Variants in AKT1S1 observed in about 807,000 individuals in gnomAD.
AKT1S1 encodes proline-rich AKT1 substrate 1.
In AKT1S1, 17 loss-of-function variants were observed where a neutral mutation model predicts 21.2. That is an observed-to-expected ratio of 0.80 (90% CI 0.55 to 1.20). The LOEUF (loss-of-function observed/expected upper bound fraction) is 1.20, where lower values mean the gene tolerates loss of function less well. Ranked by LOEUF, AKT1S1 falls within the 50% of genes most tolerant of loss-of-function variation. The pLI is 0.00. For missense variants in AKT1S1, 366 were observed against 368.3 expected, an observed-to-expected ratio of 0.99 and a Z score of 0.05; for synonymous variants, 181 against 165.6, an observed-to-expected ratio of 1.09 and a Z score of -0.72.
rs371145304 is a variant in AKT1S1, at chr19:49,873,306, C to T, written c.-7-4G>A. On this transcript the variant is annotated splice_region_variant and splice_polypyrimidine_tract_variant and intron_variant, in intron 1 of 4. Transcript: ENST00000344175. This position sits in a 1 kb window ranked among gnomAD's most constrained non-coding sequence, Gnocchi z 6.9. ...GCGCCCCGACGCCATCCGCGCCCTG[C>T]GGGCCAGAGCAGGACAGAGGGGGCT... 1.1e-4 allele frequency: 159 copies of T among 1,476,960 alleles called. No homozygotes were observed. Among genetic ancestry groups the T allele is most frequent in the Non-Finnish European group, 1.3e-4 (151 of 1,126,040 alleles). The allele number at this position is 1,476,960 out of a possible 1,614,324, so 91.5% of individuals were successfully genotyped here.
intron 1 of AKT1S1, chr19:49,876,566 T>TC: frequency 6.7e-7 from 1 of 1,493,066 alleles, no homozygotes; most frequent in Non-Finnish European, 8.9e-7. Flanking sequence ...GGCCAAATCC[T>TC]CCCCACACCG....
In AKT1S1 at chr19:49,873,300, G is replaced by A. The variant is rs1040609623; in HGVS notation, c.-5C>T. The A allele has an allele frequency of 1.1e-5, 17 of 1,485,066 alleles. No homozygotes were observed. Among genetic ancestry groups the A allele is most frequent in the Admixed American group, 4.8e-5 (2 of 41,748 alleles). The allele number at this position is 1,485,066 out of a possible 1,614,324, so 92.0% of individuals were successfully genotyped here. A position where few individuals can be genotyped will look rare whatever the true frequency, so the allele number is the denominator to read the frequency against. The stretch of plus-strand genomic sequence containing the variant: ...CTCGGGGCGCCCCGACGCCATCCGC[G>A]CCCTGCGGGCCAGAGCAGGACAGAG... On this transcript the variant is annotated splice_region_variant and 5_prime_UTR_variant, in exon 2 of 5. Coordinates refer to ENST00000344175, the MANE Select transcript of AKT1S1 (RefSeq NM_001098633.4). The surrounding 1 kb of genome is among the most constrained non-coding windows in gnomAD (Gnocchi z 6.9).
chr19:49,876,661 C>T, intron 1 of AKT1S1: 1 of 1,493,358 alleles, frequency 6.7e-7, no homozygotes, highest in Non-Finnish European at 9.0e-7. Flanking sequence ...GACATGGCGG[C>T]GCCTTGCGTC....
In AKT1S1 at chr19:49,873,137, G is replaced by A; in HGVS notation, c.159C>T (p.Ala53=). The A allele has an allele frequency of 6.5e-7, 1 of 1,540,128 alleles. No homozygotes were observed. The highest frequency in any genetic ancestry group is 1.2e-5 in the South Asian group (1 of 84,202). The change falls in exon 2 of 5, where the codon GCC becomes GCT. Residue 53 remains alanine, a synonymous_variant. Coordinates refer to ENST00000344175, the MANE Select transcript of AKT1S1 (RefSeq NM_001098633.4). The surrounding 1 kb of genome is among the most constrained non-coding windows in gnomAD (Gnocchi z 6.9). The part of the protein sequence containing the change: ...PCAYAAHGRG[A]LAEAARRCLH... The stretch of plus-strand genomic sequence containing the variant: ...GGCAACGGCGCGCTGCCTCCGCCAG[G>A]GCTCCTCGACCATGGGCAGCATAGG...
intron 1 of AKT1S1, chr19:49,876,079 C>T (rs2074939031): frequency 1.0e-6 from 1 of 986,116 alleles, no homozygotes; most frequent in Non-Finnish European, 1.2e-6. Context: ...GGGGTGGAAC[C>T]ACCCCTCCTG....
chr19:49,876,085 T>A (rs1027844862), intron 1 of AKT1S1: 17 of 986,180 alleles, frequency 1.7e-5, no homozygotes, highest in Non-Finnish European at 2.0e-5. Context: ...GAACCACCCC[T>A]CCTGTCGAAA....
At chr19:49,871,924 C>G in intron 2 of AKT1S1, 35 bp from the exon 3 acceptor site, 2 of 1,604,290 alleles carry the variant, frequency 1.2e-6, no homozygotes, top group Non-Finnish European at 1.7e-6. Context: ...CCAGGCCAGG[C>G]AGCACCTAGC....
chr19:49,877,863 C>G (rs2074969632), upstream of AKT1S1: 6 of 1,250,318 alleles, frequency 4.8e-6, no homozygotes, highest in Middle Eastern at 1.9e-4. Context: ...AAACACCGAT[C>G]TCTTATAAAC....
rs1466169044 is a variant in AKT1S1, at chr19:49,869,087, G to A, written c.*830C>T. 2.0e-5 allele frequency: 3 copies of A among 152,494 alleles called. No individual in the cohort carries two copies. Among genetic ancestry groups the A allele is most frequent in the African/African-American group, 7.2e-5 (3 of 41,456 alleles). The allele number at this position is 152,494 out of a possible 1,614,324, so 9.4% of individuals were successfully genotyped here. On this transcript the variant is annotated 3_prime_UTR_variant, in exon 5 of 5. Coordinates refer to ENST00000344175, the MANE Select transcript of AKT1S1 (RefSeq NM_001098633.4). ...TAATCTCAGAGCGCCCCTCCCAACT[G>A]CCGATCCCCCAACCCCTCACTCTCT...
chr19:49,869,728 C>A lies in AKT1S1; in HGVS notation c.*189G>T. On this transcript the variant is annotated 3_prime_UTR_variant, in exon 5 of 5. Coordinates refer to ENST00000344175, the MANE Select transcript of AKT1S1 (RefSeq NM_001098633.4). Reference sequence around the variant, plus strand: ...ACCCAATCGGGAAACGGGACAGATGCCGCTCCTCGGCGCGGCAGGTCGTGG... The same window carrying A: ...ACCCAATCGGGAAACGGGACAGATGACGCTCCTCGGCGCGGCAGGTCGTGG... 1 of 594,290 alleles carries A rather than the reference C, an allele frequency of 1.7e-6. No individual in the cohort carries two copies. The highest frequency in any genetic ancestry group is 4.9e-4 in the Middle Eastern group (1 of 2,058). 36.8% of individuals were successfully genotyped at this position (594,290 alleles called of 1,614,324 possible).
chr19:49,877,465 T>C, upstream of AKT1S1: 3 of 509,698 alleles, frequency 5.9e-6, no homozygotes, highest in South Asian at 5.3e-5. Flanking sequence ...GTTTACTTCG[T>C]GGCGAGAGGG....
chr19:49,874,101 G>GC (rs1209083444), intron 1 of AKT1S1: 2 of 152,420 alleles, frequency 1.3e-5, no homozygotes, highest in African/African-American at 4.8e-5. Context: ...AGCCTCTGAG[G>GC]CCCGAGGCCT....
At position 49,872,996 on chromosome 19, in the gene AKT1S1, T is replaced by C; in HGVS notation, c.300A>G (p.Arg100=). The C allele has an allele frequency of 1.3e-6, 2 of 1,590,516 alleles. No homozygotes were observed. Among genetic ancestry groups the C allele is most frequent in the Non-Finnish European group, 1.7e-6 (2 of 1,169,644 alleles). Residue 100 remains arginine (R), a synonymous_variant, in exon 2 of 5, where the codon AGA becomes AGG. Coordinates refer to ENST00000344175, the MANE Select transcript of AKT1S1 (RefSeq NM_001098633.4). ...CATCCTCGTCCTCCTCGTTGTCCTC[T>C]CTGGCCAGGGTAGGCCGGGGTGGGC... ...TPSPPRPTLA[R]EDNEEDEDEP... is the part of the protein sequence containing the mutation.
intron 1 of AKT1S1, chr19:49,875,727 G>T: frequency 2.6e-6 from 1 of 386,326 alleles, no homozygotes. Context: ...AGTGAAATAG[G>T]GTGAGTGAGT....
rs1477727267 is a variant in AKT1S1 at position 49,873,096 on chromosome 19, A to G, written c.200T>C (p.Leu67Pro). 6.5e-7 allele frequency: 1 copy of G among 1,548,988 alleles called. No individual in the cohort carries two copies. ...AGCAGCAGTGGCAGCCCTGTGGGCC[A>G]GTGCGATGTCGTGGAGGCAACGGCG... ...AARRCLHDIALAHRAATAARP... is the reference protein window; with the variant it reads ...AARRCLHDIAPAHRAATAARP... The change falls in exon 2 of 5, where the codon CTG (leucine) becomes CCG (proline). Residue 67 changes from leucine (L) to proline (P), a missense_variant. Transcript: ENST00000344175. The surrounding 1 kb of genome is among the most constrained non-coding windows in gnomAD (Gnocchi z 6.9).
chr19:49,876,253 G>T (rs2074942667), intron 1 of AKT1S1: 8 of 1,116,366 alleles, frequency 7.2e-6, no homozygotes, highest in African/African-American at 1.6e-5. Flanking sequence ...AGGAAATCCC[G>T]CCCAGACGGA....
chr19:49,877,503 A>T (rs2074963430), upstream of AKT1S1: 3 of 547,204 alleles, frequency 5.5e-6, no homozygotes, highest in Admixed American at 3.5e-5. Context: ...CACTCTCCGT[A>T]GCCGGATCCA....
rs752462397 is a variant in AKT1S1, at chr19:49,869,877, G to A, written c.*40C>T. On this transcript the variant is annotated 3_prime_UTR_variant, in exon 5 of 5. Transcript: ENST00000344175. ...GGAGTGGGGCGGGGGCGTAGTGTGG[G>A]ACGGGGCGGACGCGGCCCGGGGCGC... 2 of 1,441,132 alleles carry A rather than the reference G, an allele frequency of 1.4e-6. No individual in the cohort carries two copies. The allele number at this position is 1,441,132 out of a possible 1,614,324, so 89.3% of individuals were successfully genotyped here. A position where few individuals can be genotyped will look rare whatever the true frequency, so the allele number is the denominator to read the frequency against.
At chr19:49,877,608 G>C, upstream of AKT1S1, 4 of 1,174,568 alleles carry the variant, frequency 3.4e-6, no homozygotes, top group Non-Finnish European at 4.8e-6. Context: ...TCCTTCTCTA[G>C]AACGGGTCGG....
Sources: gnomAD v4.1 joint callset for allele counts on GRCh38, gnomAD v4.1.1 for gene constraint, Gnocchi (gnomAD v3.1) non-coding constraint, MANE v1.5 for transcripts, NCBI Gene and HGNC (gene_info 2026-07-23, HGNC 2026-07-21) for gene names.